The following NUP205 variants were observed in gnomAD, a reference collection of about 807,000 sequenced individuals.
NUP205 encodes the protein nucleoporin 205.
NUP205 carries 76 observed loss-of-function variants against 253.8 expected under a neutral mutation model. That is an observed-to-expected ratio of 0.30 (90% CI 0.25 to 0.36). The LOEUF (loss-of-function observed/expected upper bound fraction) is 0.36, where lower values mean the gene tolerates loss of function less well. Among genes scored for constraint, NUP205 ranks in the 10% least tolerant of loss-of-function variants. The pLI is 1.00. For synonymous variants in NUP205, 832 were observed against 850.1 expected, an observed-to-expected ratio of 0.98 and a Z score of 0.37; for missense variants, 2,162 against 2,425.5, an observed-to-expected ratio of 0.89 and a Z score of 2.28.
intron 34 of NUP205, among the ~76,000 whole-genome samples, chr7:135,628,809 G>A (rs1478630005): frequency 2.6e-5 from 4 of 152,106 alleles, no homozygotes; most frequent in Non-Finnish European, 5.9e-5. Flanking sequence ...CTACCATCAG[G>A]CCTTAGGCCA....
chr7:135,642,038 T>A (rs1794923186), intron 38 of NUP205, among the ~76,000 whole-genome samples: 1 of 151,994 alleles, frequency 6.6e-6, no homozygotes, highest in Non-Finnish European at 1.5e-5. Flanking sequence ...GTGGATCACC[T>A]GAGGTAAGGA....
Position 135,557,971 on chromosome 7 carries a change from G to A in NUP205, c.27G>A (p.Ser9=), listed in dbSNP as rs754110933. The change falls in exon 1 of 43, where the codon TCG becomes TCA. Residue 9 remains serine (S), a splice_region_variant and synonymous_variant. Coordinates refer to ENST00000285968, the MANE Select transcript of NUP205 (RefSeq NM_015135.3). ...TGGCGACGCCTTTGGCGGTAAATTC[G>A]GGTAAGTGTGGCCAGACAGAAAGAC... MATPLAVN[S]AASLWGPYKD... is the part of the protein sequence containing the mutation. The A allele has an allele frequency of 6.2e-7, 1 of 1,612,918 alleles. No homozygotes were observed.
chr7:135,602,269 G>T (rs1369496414), intron 17 of NUP205, among the ~76,000 whole-genome samples: 1 of 152,204 alleles, frequency 6.6e-6, no homozygotes, highest in Admixed American at 6.5e-5. Context: ...TAAGATTATA[G>T]GTGATCCTTG....
intron 37 of NUP205, 150 bp from the exon 38 acceptor site, chr7:135,638,407 T>G: frequency 1.6e-6 from 1 of 643,272 alleles, no homozygotes; most frequent in Non-Finnish European, 2.5e-6. Flanking sequence ...AGAGGGAGAC[T>G]CCATCTGAAA....
At chr7:135,596,760 G>GCCAA (rs2129490415) in intron 13 of NUP205, among the ~76,000 whole-genome samples, 1 of 151,502 alleles carries the variant, frequency 6.6e-6, no homozygotes, top group African/African-American at 2.4e-5. Flanking sequence ...GACCAGCCTG[G>GCCAA]CCAACATGGT....
chr7:135,590,418 A>G (rs908290123), intron 10 of NUP205, among the ~76,000 whole-genome samples: 3 of 151,872 alleles, frequency 2.0e-5, no homozygotes, highest in Non-Finnish European at 1.5e-5. Context: ...CCAGCCTGCT[A>G]TATTATTTTT....
chr7:135,570,089 A>AGAGG (rs1563109519), intron 1 of NUP205, among the ~76,000 whole-genome samples: 3 of 149,526 alleles, frequency 2.0e-5, no homozygotes. Context: ...AGAGAGAGAG[A>AGAGG]GAGAGAAACT....
At position 135,646,258 on chromosome 7, in the gene NUP205, A is replaced by T. The variant is rs1554469589; in HGVS notation, c.5886+27A>T. ...TAAGGTTCTATTCTCATATTCTTTT[A>T]TTTTTCTTCATTAAAGTAAAAGGGC... On this transcript the variant is annotated intron_variant, in intron 42 of 42. Coordinates refer to ENST00000285968, the MANE Select transcript of NUP205 (RefSeq NM_015135.3). The T allele has an allele frequency of 3.3e-6, 5 of 1,514,240 alleles. No homozygotes were observed. In the East Asian group the frequency reaches 1.1e-4, roughly 34 times the overall value. The allele number at this position is 1,514,240 out of a possible 1,614,324, so 93.8% of individuals were successfully genotyped here.
In NUP205 at chr7:135,619,639, T is replaced by G. The variant is rs1301357463; in HGVS notation, c.4180T>G (p.Ser1394Ala). 1 of 1,614,192 alleles carries G rather than the reference T, an allele frequency of 6.2e-7. No homozygotes were observed. Among genetic ancestry groups the G allele is most frequent in the Admixed American group, 1.7e-5 (1 of 60,028 alleles). Residue 1394 changes from serine to alanine, a missense_variant, in exon 29 of 43, where the codon TCT becomes GCT. Ser to Ala is a moderately conservative substitution (Grantham distance 99). Transcript: ENST00000285968. Reference sequence around the variant, plus strand: ...AGTGGGTTTTGCTTCTATTGGAGATTCTTCACTTTACATCATATTGAAGAA... The same window carrying G: ...AGTGGGTTTTGCTTCTATTGGAGATGCTTCACTTTACATCATATTGAAGAA... Reference protein sequence around the residue: ...PLVGFASIGDSSLYIILKKLL... With the variant: ...PLVGFASIGDASLYIILKKLL...
At chr7:135,563,664 T>C (rs553346315) in intron 1 of NUP205, among the ~76,000 whole-genome samples, 3 of 152,052 alleles carry the variant, frequency 2.0e-5, no homozygotes, top group African/African-American at 7.3e-5. Flanking sequence ...AAAATACATA[T>C]TTAGTAATTT....
At chr7:135,562,609 G>A (rs1045944802) in intron 1 of NUP205, among the ~76,000 whole-genome samples, 6 of 144,476 alleles carry the variant, frequency 4.2e-5, no homozygotes, top group East Asian at 4.2e-4. Context: ...GTGCAGTGGC[G>A]CGATCTTGGC....
intron 12 of NUP205, 78 bp downstream of exon 12, chr7:135,593,270 T>A: frequency 1.6e-6 from 2 of 1,274,996 alleles, no homozygotes; most frequent in African/African-American, 1.5e-5. Context: ...CATTTTCTTT[T>A]AATTTAAGAG....
At chr7:135,563,342 C>T (rs1805644630) in intron 1 of NUP205, among the ~76,000 whole-genome samples, 2 of 152,050 alleles carry the variant, frequency 1.3e-5, no homozygotes, top group South Asian at 4.1e-4. Context: ...CGCATGCCAT[C>T]ACGCCTGGCT....
chr7:135,603,111 A>AAT, intron 18 of NUP205, 117 bp downstream of exon 18: 1 of 485,908 alleles, frequency 2.1e-6, no homozygotes, highest in Non-Finnish European at 3.1e-6. Context: ...GCCTCATTTT[A>AAT]CTTTTTTTTT....
Position 135,644,948 on chromosome 7 carries a change from A to G in NUP205, c.5613A>G (p.Lys1871=). 6.2e-7 allele frequency: 1 copy of G among 1,614,168 alleles called. No homozygotes were observed. The highest frequency in any genetic ancestry group is 2.2e-5 in the East Asian group (1 of 44,878). The change falls in exon 40 of 43, where the codon AAA becomes AAG. Residue 1871 remains lysine, a synonymous_variant. Transcript: ENST00000285968. The stretch of plus-strand genomic sequence containing the variant: ...TTGATAAAATCTCCACTGCTCAGAA[A>G]TATGTTCTAGCAAGACGGCGCTTGG... The part of the protein sequence containing the change: ...AGVDKISTAQ[K]YVLARRRLVK...
intron 23 of NUP205, 75 bp from the exon 24 acceptor site, chr7:135,615,841 G>T (rs986985544): frequency 3.4e-6 from 3 of 871,836 alleles, no homozygotes; most frequent in African/African-American, 3.5e-5. Context: ...AATATCTGTT[G>T]AGTTACAGAA....
At chr7:135,570,052 T>TATATAGAG (rs1284263475) in intron 1 of NUP205, among the ~76,000 whole-genome samples, 70 of 79,180 alleles carry the variant, frequency 8.8e-4, no homozygotes, top group African/African-American at 2.9e-3. Context: ...TATATATATA[T>TATATAGAG]AGAGAGAGAG....
rs554017153 is a variant in NUP205 at position 135,606,615 on chromosome 7, T to C, written c.2906-136T>C. 8 of 666,638 alleles carry C rather than the reference T, an allele frequency of 1.2e-5. No homozygotes were observed. The East Asian group carries it at 2.2e-4, about 18-fold the overall frequency. 41.3% of individuals were successfully genotyped at this position (666,638 alleles called of 1,614,324 possible). A position where few individuals can be genotyped will look rare whatever the true frequency, so the allele number is the denominator to read the frequency against. On this transcript the variant is annotated intron_variant, in intron 20 of 42. Coordinates refer to ENST00000285968, the MANE Select transcript of NUP205 (RefSeq NM_015135.3). ...TTTAGGATTCCACTTTAAATAAATCTGAAATGAATGTGATAGATAATCAGG... is the reference window on the plus strand; with the variant it reads ...TTTAGGATTCCACTTTAAATAAATCCGAAATGAATGTGATAGATAATCAGG...
intron 42 of NUP205, 25 bp downstream of exon 42, chr7:135,646,256 T>C: frequency 6.5e-7 from 1 of 1,536,610 alleles, no homozygotes. Context: ...TCATATTCTT[T>C]TATTTTTCTT....
Sources: gnomAD v4.1 joint callset for allele counts (sites outside exome capture counted in the v4.1 genomes callset) on GRCh38, gnomAD v4.1.1 for gene constraint, MANE v1.5 for transcripts, NCBI Gene and HGNC (gene_info 2026-07-23, HGNC 2026-07-21) for gene names.